NELL1: variants seen among roughly 807,000 people sequenced by gnomAD.
NELL1 encodes protein kinase C-binding protein NELL1.
A neutral mutation model predicts 107.4 loss-of-function variants in NELL1; 76 were observed. The observed-to-expected ratio is 0.71, with a 90% CI of 0.59 to 0.86. NELL1 has a LOEUF of 0.86. NELL1 is among the 40% of genes least tolerant of loss of function. The pLI is 0.00. For missense variants in NELL1, 1,024 were observed against 1,005.5 expected, an observed-to-expected ratio of 1.02 and a Z score of -0.25; for synonymous variants, 353 against 341.2, an observed-to-expected ratio of 1.03 and a Z score of -0.38.
intron 2 of NELL1, among the ~76,000 whole-genome samples, chr11:20,704,055 T>A (rs1344582008): frequency 1.3e-5 from 2 of 152,118 alleles, no homozygotes; most frequent in East Asian, 3.9e-4. Flanking sequence ...TTCCCGGGTA[T>A]CCTTGTTAAC....
intron 12 of NELL1, among the ~76,000 whole-genome samples, chr11:20,992,757 G>A (rs558160036): frequency 3.5e-4 from 44 of 127,230 alleles, no homozygotes; most frequent in African/African-American, 1.1e-3. Context: ...TCCTGTTACC[G>A]AGGCTGGAGT....
At chr11:20,703,256 C>T (rs190947175) in intron 2 of NELL1, among the ~76,000 whole-genome samples, 41 of 152,182 alleles carry the variant, frequency 2.7e-4, no homozygotes, top group African/African-American at 7.9e-4. Context: ...GGAATTTATC[C>T]GTTTCTTCTA....
intron 3 of NELL1, among the ~76,000 whole-genome samples, chr11:20,813,734 G>C (rs1421434094): frequency 1.3e-5 from 2 of 152,246 alleles, no homozygotes; most frequent in Admixed American, 6.5e-5. Flanking sequence ...ATTGTTCACA[G>C]ATGAATCTTG....
At chr11:20,854,347 T>C (rs1045234651) in intron 4 of NELL1, among the ~76,000 whole-genome samples, 1 of 152,180 alleles carries the variant, frequency 6.6e-6, no homozygotes, top group Non-Finnish European at 1.5e-5. Flanking sequence ...TCTACCCTTC[T>C]GGGTGTACCT....
intron 10 of NELL1, among the ~76,000 whole-genome samples, chr11:20,938,961 T>TGC (rs1464004516): frequency 1.3e-5 from 2 of 151,884 alleles, no homozygotes; most frequent in African/African-American, 4.8e-5. Flanking sequence ...TGTGTGTGTG[T>TGC]GTGCATGCAC....
At chr11:21,427,308 C>A (rs1380129683) in intron 15 of NELL1, among the ~76,000 whole-genome samples, 1 of 152,178 alleles carries the variant, frequency 6.6e-6, no homozygotes, top group Non-Finnish European at 1.5e-5. Flanking sequence ...ATGTAATTCT[C>A]AATCTCCATC....
intron 2 of NELL1, among the ~76,000 whole-genome samples, chr11:20,723,570 G>C (rs1414872999): frequency 6.6e-6 from 1 of 152,134 alleles, no homozygotes; most frequent in East Asian, 1.9e-4. Flanking sequence ...TGAAGCTCTG[G>C]AGGGTACAGC....
rs1396854701 is a variant in NELL1, at chr11:20,722,017, CTCTTT to C, written c.184+43959_184+43963del. Reference sequence around the variant, plus strand: ...CATGTTACTTGACCTTTCTGAGTCTCTCTTTTTTTTTTTTTTTTTTTGAGACAAAG... The same window carrying C: ...CATGTTACTTGACCTTTCTGAGTCTCTTTTTTTTTTTTTTTTGAGACAAAG... On this transcript the variant is annotated intron_variant, in intron 2 of 19. Coordinates refer to ENST00000357134, the MANE Select transcript of NELL1 (RefSeq NM_006157.5). Among the ~76,000 whole-genome samples the C allele has an allele frequency of 1.1e-3, 152 of 138,514 alleles. 2 individuals are homozygous for C. The highest frequency in any genetic ancestry group is 3.1e-3 in the African/African-American group (119 of 38,184). The allele number at this position is 138,514 out of a possible 152,430, so 90.9% of individuals were successfully genotyped here. A position where few individuals can be genotyped will look rare whatever the true frequency, so the allele number is the denominator to read the frequency against.
intron 12 of NELL1, among the ~76,000 whole-genome samples, chr11:21,003,771 C>A (rs1181883013): frequency 1.3e-5 from 2 of 151,960 alleles, no homozygotes; most frequent in Admixed American, 1.3e-4. Flanking sequence ...TGCTAGATTA[C>A]CTTTTTTTAA....
At chr11:21,093,895 C>T (rs561195638) in intron 12 of NELL1, among the ~76,000 whole-genome samples, 2 of 152,234 alleles carry the variant, frequency 1.3e-5, no homozygotes, top group Admixed American at 1.3e-4. Flanking sequence ...ACAGCCAAAT[C>T]ATATCATTCC....
At chr11:21,458,431 A>G (rs1250153811) in intron 15 of NELL1, among the ~76,000 whole-genome samples, 1 of 152,194 alleles carries the variant, frequency 6.6e-6, no homozygotes, top group Non-Finnish European at 1.5e-5. Context: ...ATAATCACAG[A>G]ATCATTTATA....
At chr11:21,295,115 T>A (rs1035585974) in intron 14 of NELL1, among the ~76,000 whole-genome samples, 1 of 152,090 alleles carries the variant, frequency 6.6e-6, no homozygotes, top group African/African-American at 2.4e-5. Flanking sequence ...TGTAATTGGT[T>A]TACAAATATT....
chr11:21,214,915 A>G (rs1857581946), intron 13 of NELL1, among the ~76,000 whole-genome samples: 1 of 152,188 alleles, frequency 6.6e-6, no homozygotes, highest in African/African-American at 2.4e-5. Context: ...ACATGCATAA[A>G]TGAATATAAA....
At chr11:20,892,910 C>G (rs987787407) in intron 5 of NELL1, among the ~76,000 whole-genome samples, 7 of 126,452 alleles carry the variant, frequency 5.5e-5, no homozygotes, top group African/African-American at 2.2e-4. Flanking sequence ...GCCTGGGTGA[C>G]AGAGAGAGAC....
At chr11:20,879,583 G>A (rs1285406408) in intron 4 of NELL1, among the ~76,000 whole-genome samples, 1 of 152,220 alleles carries the variant, frequency 6.6e-6, no homozygotes, top group East Asian at 1.9e-4. Context: ...ATGGCCAGGT[G>A]TGTGTGTGGG....
intron 16 of NELL1, among the ~76,000 whole-genome samples, chr11:21,539,848 AG>A (rs1024038752): frequency 1.3e-4 from 20 of 151,376 alleles, no homozygotes; most frequent in African/African-American, 4.9e-4. Context: ...AGGGCCATTT[AG>A]GGCCATTTAG....
At chr11:20,827,217 G>A (rs767038635) in intron 3 of NELL1, among the ~76,000 whole-genome samples, 1 of 151,282 alleles carries the variant, frequency 6.6e-6, no homozygotes, top group East Asian at 1.9e-4. Flanking sequence ...ATGATTGGAA[G>A]AGCCTGAGTG....
intron 15 of NELL1, among the ~76,000 whole-genome samples, chr11:21,496,433 G>T: frequency 7.2e-6 from 1 of 139,768 alleles, no homozygotes; most frequent in Non-Finnish European, 1.5e-5. Context: ...TTTCTTGAGA[G>T]GAGTCTCACT....
chr11:21,459,512 G>T (rs1435748992), intron 15 of NELL1, among the ~76,000 whole-genome samples: 1 of 151,972 alleles, frequency 6.6e-6, no homozygotes, highest in African/African-American at 2.4e-5. Context: ...TGCAGTACTT[G>T]CTGGGTCAGG....
Sources: gnomAD v4.1 joint callset for allele counts (sites outside exome capture counted in the v4.1 genomes callset) on GRCh38, gnomAD v4.1.1 for gene constraint, MANE v1.5 for transcripts, NCBI Gene and HGNC (gene_info 2026-07-23, HGNC 2026-07-21) for gene names.